The following KAZN variants were observed in gnomAD, a reference collection of about 807,000 sequenced individuals.
The protein encoded by KAZN is kazrin, periplakin interacting protein.
Under a neutral mutation model 87.4 loss-of-function variants are expected in KAZN, and 40 were observed. That is an observed-to-expected ratio of 0.46 (90% confidence interval 0.36 to 0.60). KAZN has a LOEUF of 0.60. KAZN is among the 20% of genes least tolerant of loss of function. KAZN has a pLI of 0.00. For missense variants in KAZN, 898 were observed against 1,073.9 expected (o/e 0.84, Z 2.29); for synonymous variants, 466 against 458.3 (o/e 1.02, Z -0.22).
chr1:14,063,361 C>T (rs1390336011), intron 1 of KAZN, among the ~76,000 whole-genome samples: 1 of 152,132 alleles, frequency 6.6e-6, no homozygotes, highest in Non-Finnish European at 1.5e-5. Flanking sequence ...TGTGTAACTA[C>T]CTTCCTAGCT....
intron 1 of KAZN, among the ~76,000 whole-genome samples, chr1:14,163,641 C>T (rs976264290): frequency 6.6e-6 from 1 of 152,108 alleles, no homozygotes; most frequent in Non-Finnish European, 1.5e-5. Context: ...ACTGCCGTTC[C>T]CTAGTGCCAG....
intron 1 of KAZN, among the ~76,000 whole-genome samples, chr1:14,177,822 T>C (rs1646115707): frequency 6.6e-6 from 1 of 151,818 alleles, no homozygotes; most frequent in South Asian, 2.1e-4. Flanking sequence ...AGTAATTTGA[T>C]TATAATATGC....
chr1:15,074,411 T>C (rs369375155), intron 8 of KAZN, among the ~76,000 whole-genome samples: 1 of 152,134 alleles, frequency 6.6e-6, no homozygotes, highest in African/African-American at 2.4e-5. Context: ...TGGGCTGTGA[T>C]CAGGAAGGGA....
intron 2 of KAZN, among the ~76,000 whole-genome samples, chr1:14,234,034 C>T (rs2100551149): frequency 6.6e-6 from 1 of 152,288 alleles, no homozygotes; most frequent in East Asian, 1.9e-4. Flanking sequence ...TTTGACCCAG[C>T]AATCCCATTA....
At chr1:14,174,712 A>G (rs904138373) in intron 1 of KAZN, among the ~76,000 whole-genome samples, 1 of 152,218 alleles carries the variant, frequency 6.6e-6, no homozygotes, top group African/African-American at 2.4e-5. Flanking sequence ...AATCAGAACA[A>G]TTAGTTAATA....
At chr1:14,050,893 C>T (rs927367021) in intron 1 of KAZN, among the ~76,000 whole-genome samples, 6 of 152,192 alleles carry the variant, frequency 3.9e-5, no homozygotes, top group African/African-American at 1.2e-4. Context: ...CTGGAAAATC[C>T]ATAACATGTA....
chr1:14,619,910 A>G (rs1463467545), intron 1 of KAZN, among the ~76,000 whole-genome samples: 1 of 152,220 alleles, frequency 6.6e-6, no homozygotes, highest in Non-Finnish European at 1.5e-5. Context: ...GTGTGTGGCT[A>G]TACCACATGA....
At chr1:13,939,641 A>G (rs995287717) in intron 1 of KAZN, among the ~76,000 whole-genome samples, 2 of 152,234 alleles carry the variant, frequency 1.3e-5, no homozygotes, top group Admixed American at 6.5e-5. Context: ...ATATCTTTAT[A>G]GCAATGCCCC....
At position 14,820,732 on chromosome 1, in the gene KAZN, G is replaced by C. The variant is rs1646715164; in HGVS notation, c.227-139952G>C. 6.6e-6 allele frequency among the ~76,000 whole-genome samples: 1 copy of C among 152,224 alleles called. No individual in the cohort carries two copies. Among genetic ancestry groups the C allele is most frequent in the Non-Finnish European group, 1.5e-5 (1 of 68,038 alleles). On this transcript the variant is annotated intron_variant, in intron 1 of 14. Coordinates refer to ENST00000376030, the MANE Select transcript of KAZN (RefSeq NM_201628.3). This position sits in a 1 kb window ranked among gnomAD's most constrained non-coding sequence, Gnocchi z 4.1. ...AGGTAAAGGTAGAAGGTGCAGATTAGGTACTGGGAATAGTCATGGTTTGGT... is the reference window on the plus strand; with the variant it reads ...AGGTAAAGGTAGAAGGTGCAGATTACGTACTGGGAATAGTCATGGTTTGGT...
intron 2 of KAZN, among the ~76,000 whole-genome samples, chr1:14,472,640 G>A (rs897086985): frequency 1.3e-5 from 2 of 150,652 alleles, no homozygotes; most frequent in Non-Finnish European, 3.0e-5. Context: ...CAGCAAAGAA[G>A]CTTCTTTTTT....
intron 2 of KAZN, among the ~76,000 whole-genome samples, chr1:14,503,953 G>C (rs938576470): frequency 6.6e-6 from 1 of 152,134 alleles, no homozygotes; most frequent in Non-Finnish European, 1.5e-5. Context: ...CAGTACAAGG[G>C]TGAGGCAAGA....
intron 1 of KAZN, among the ~76,000 whole-genome samples, chr1:14,799,832 T>G (rs994749575): frequency 2.6e-5 from 4 of 152,232 alleles, no homozygotes; most frequent in African/African-American, 9.6e-5. Flanking sequence ...TCTTACACGA[T>G]ATTTTATAGG....
rs749285946 is a variant in KAZN, at chr1:15,044,101, G to A, written c.668G>A (p.Arg223His). 1.7e-5 allele frequency: 27 copies of A among 1,612,218 alleles called. No individual in the cohort carries two copies. The highest frequency in any genetic ancestry group is 4.4e-5 in the South Asian group (4 of 90,904). The change falls in exon 4 of 15, where the codon CGC becomes CAC. Residue 223 changes from arginine to histidine, a missense_variant. Transcript: ENST00000376030. ...KEATDHATAL[R>H]SQLDLKDNRM... ...GCCACAGACCACGCCACGGCACTGC[G>A]CTCCCAGCTGGACCTCAAGGACAAC... is the stretch of plus-strand genomic sequence containing the variant.
At chr1:13,962,715 G>A (rs111268089) in intron 1 of KAZN, among the ~76,000 whole-genome samples, 2 of 152,032 alleles carry the variant, frequency 1.3e-5, no homozygotes, top group Non-Finnish European at 2.9e-5. Flanking sequence ...GCACCACCAC[G>A]CCTGGCTAAG....
rs553593891 is a variant in KAZN at position 15,085,304 on chromosome 1, T to C, written c.1223-8876T>C. On this transcript the variant is annotated intron_variant, in intron 8 of 14. Transcript: ENST00000376030. ...ACTAAAACTCAGGTCTTTAGTTGTA[T>C]CAGCCACATTTTACCTCTGCCATTA... Among the ~76,000 whole-genome samples the C allele has an allele frequency of 2.0e-5, 3 of 152,310 alleles. No homozygotes were observed. The South Asian group carries it at 6.2e-4, about 32-fold the overall frequency.
chr1:14,263,871 AGTT>A (rs1651270412), intron 2 of KAZN, among the ~76,000 whole-genome samples: 1 of 152,232 alleles, frequency 6.6e-6, no homozygotes, highest in Admixed American at 6.5e-5. Context: ...CCATCTTTGA[AGTT>A]ATGCATCTGC....
intron 2 of KAZN, among the ~76,000 whole-genome samples, chr1:14,213,848 C>G (rs556431267): frequency 6.6e-6 from 1 of 152,236 alleles, no homozygotes; most frequent in Admixed American, 6.5e-5. Flanking sequence ...CAGATTAGCA[C>G]AGTAGCAGTA....
At chr1:14,978,939 G>A (rs989276519) in intron 2 of KAZN, among the ~76,000 whole-genome samples, 1 of 151,922 alleles carries the variant, frequency 6.6e-6, no homozygotes, top group African/African-American at 2.4e-5. Context: ...GAGTCTTGCT[G>A]TGTCACCCAG....
At chr1:14,064,569 G>GT (rs1231601462) in intron 1 of KAZN, among the ~76,000 whole-genome samples, 1 of 151,740 alleles carries the variant, frequency 6.6e-6, no homozygotes, top group Non-Finnish European at 1.5e-5. Context: ...GTAAGGAAGC[G>GT]TTTTTTGATG....
Sources: allele counts gnomAD v4.1 joint callset (sites outside exome capture counted in the v4.1 genomes callset), GRCh38; gene constraint gnomAD v4.1.1; non-coding constraint Gnocchi (gnomAD v3.1); transcripts MANE v1.5; gene names NCBI Gene and HGNC (gene_info 2026-07-23, HGNC 2026-07-21).